PPARG: variants seen among roughly 807,000 people sequenced by gnomAD.
The protein encoded by PPARG is peroxisome proliferator-activated receptor gamma.
A neutral mutation model predicts 39.2 loss-of-function variants in PPARG; 17 were observed. The observed-to-expected ratio is 0.43, with a 90% confidence interval of 0.30 to 0.65. The LOEUF is 0.65. Among genes scored for constraint, PPARG ranks in the 30% least tolerant of loss-of-function variants. The pLI, the probability that PPARG is intolerant of heterozygous loss-of-function variation, is 0.13. For synonymous variants in PPARG, 223 were observed against 215.7 expected (o/e 1.03, Z -0.30); for missense variants, 406 against 585.9 (o/e 0.69, Z 3.17).
At chr3:12,344,809 G>T (rs778453329) in intron 2 of PPARG, 2 of 152,074 alleles carry the variant, frequency 1.3e-5, no homozygotes, top group African/African-American at 4.8e-5. Flanking sequence ...TGTTCCAGAC[G>T]CTGATTTATT....
At chr3:12,374,254 C>T (rs2049325530) in intron 2 of PPARG, among the ~76,000 whole-genome samples, 2 of 152,048 alleles carry the variant, frequency 1.3e-5, no homozygotes, top group Non-Finnish European at 2.9e-5. Context: ...GGCAGTGAAA[C>T]TATTCTGTGT....
intron 4 of PPARG, among the ~76,000 whole-genome samples, chr3:12,385,747 A>C (rs2125191180): frequency 6.6e-6 from 1 of 152,268 alleles, no homozygotes; most frequent in African/African-American, 2.4e-5. Context: ...CTTCAGAAAG[A>C]GTTTTAATTC....
At chr3:12,368,567 A>G (rs1196459600) in intron 2 of PPARG, among the ~76,000 whole-genome samples, 1 of 152,172 alleles carries the variant, frequency 6.6e-6, no homozygotes, top group Non-Finnish European at 1.5e-5. Context: ...TCTAGCCCCA[A>G]TACCTATTTA....
At chr3:12,381,117 T>C (rs2049636428) in intron 3 of PPARG, among the ~76,000 whole-genome samples, 1 of 152,160 alleles carries the variant, frequency 6.6e-6, no homozygotes, top group Non-Finnish European at 1.5e-5. Flanking sequence ...TATTTACAGG[T>C]GAGGCTTAGA....
chr3:12,311,358 C>T (rs1206869306), intron 1 of PPARG, among the ~76,000 whole-genome samples: 2 of 152,146 alleles, frequency 1.3e-5, no homozygotes, highest in Non-Finnish European at 1.5e-5. Flanking sequence ...CCTGCCTCAG[C>T]CTTCCAAAGT....
intron 7 of PPARG, among the ~76,000 whole-genome samples, chr3:12,423,928 A>T (rs190801209): frequency 7.9e-4 from 121 of 152,352 alleles, no homozygotes; most frequent in African/African-American, 2.8e-3. Flanking sequence ...ATTGTGTCTG[A>T]GAGTAATAGC....
chr3:12,309,263 A>G (rs960521303), intron 1 of PPARG, among the ~76,000 whole-genome samples: 10 of 152,172 alleles, frequency 6.6e-5, no homozygotes, highest in African/African-American at 2.4e-4. Context: ...AATTTTGTCA[A>G]GAATGGATGT....
intron 1 of PPARG, among the ~76,000 whole-genome samples, chr3:12,310,133 G>A (rs1294809795): frequency 6.6e-6 from 1 of 152,170 alleles, no homozygotes; most frequent in East Asian, 1.9e-4. Flanking sequence ...AGAAGGAAGA[G>A]GACTGGTAGC....
intron 1 of PPARG, chr3:12,297,743 G>A (rs2046822871): frequency 6.6e-6 from 1 of 151,992 alleles, no homozygotes; most frequent in Non-Finnish European, 1.5e-5. Context: ...AGCATATGCT[G>A]GCAAATAGAG....
At chr3:12,349,879 G>C (rs376160439) in intron 2 of PPARG, among the ~76,000 whole-genome samples, 8 of 152,264 alleles carry the variant, frequency 5.3e-5, no homozygotes, top group African/African-American at 1.9e-4. Context: ...GGCTTAGAAG[G>C]CCTCACTACC....
intron 2 of PPARG, among the ~76,000 whole-genome samples, chr3:12,351,990 G>A (rs551954777): frequency 4.6e-5 from 7 of 152,272 alleles, no homozygotes; most frequent in Admixed American, 4.6e-4. Context: ...GATTTCCCAA[G>A]AATACATAAG....
At chr3:12,379,569 G>T (rs2049547778) in intron 2 of PPARG, 135 bp from the exon 3 acceptor site, 1 of 780,634 alleles carries the variant, frequency 1.3e-6, no homozygotes, top group Admixed American at 2.1e-5. Flanking sequence ...AGGTGGTTAT[G>T]TTCTTTTCTG....
In PPARG at chr3:12,417,902, C is replaced by CTTTTTTTTTTTTTTTTTTTTTTTTTTTT. The variant is rs869086237; in HGVS notation, c.1180+771_1180+772insTTTTTTTTTTTTTTTTTTTTTTTTTTTT. Among the ~76,000 whole-genome samples, 6 of 65,898 alleles carry CTTTTTTTTTTTTTTTTTTTTTTTTTTTT rather than the reference C, an allele frequency of 9.1e-5. 1 individual carries two copies. Among genetic ancestry groups the CTTTTTTTTTTTTTTTTTTTTTTTTTTTT allele is most frequent in the Admixed American group, 2.4e-4 (1 of 4,166 alleles). The allele number at this position is 65,898 out of a possible 152,430, so 43.2% of individuals were successfully genotyped here. A position where few individuals can be genotyped will look rare whatever the true frequency, so the allele number is the denominator to read the frequency against. The stretch of plus-strand genomic sequence containing the variant: ...CTTTTTTTTTTCTTTTTTTTTTTTC[C>CTTTTTTTTTTTTTTTTTTTTTTTTTTTT]TTTTTTTTTTTTTTTTTTTTTTTGT... On this transcript the variant is annotated intron_variant, in intron 7 of 7. Transcript: ENST00000651735.
At chr3:12,372,140 C>T (rs1246402488) in intron 2 of PPARG, 1 of 718,950 alleles carries the variant, frequency 1.4e-6, no homozygotes, top group Admixed American at 2.0e-5. Flanking sequence ...TAGCTGAACA[C>T]ATTTCTCCAA....
chr3:12,303,694 A>G (rs1487665195), intron 1 of PPARG, among the ~76,000 whole-genome samples: 1 of 152,242 alleles, frequency 6.6e-6, no homozygotes, highest in Non-Finnish European at 1.5e-5. Context: ...AAGCATTCTA[A>G]TAACTACAGC....
chr3:12,425,592 A>T (rs1575153094), intron 7 of PPARG, among the ~76,000 whole-genome samples: 1 of 152,040 alleles, frequency 6.6e-6, no homozygotes, highest in Non-Finnish European at 1.5e-5. Context: ...CTTGGAAGGG[A>T]TCGTTCTTCC....
At chr3:12,303,975 G>A (rs975811207) in intron 1 of PPARG, among the ~76,000 whole-genome samples, 2 of 152,210 alleles carry the variant, frequency 1.3e-5, no homozygotes, top group Non-Finnish European at 2.9e-5. Flanking sequence ...TGGAATTACA[G>A]TTACCTAAAT....
intron 2 of PPARG, among the ~76,000 whole-genome samples, chr3:12,331,412 G>A (rs192736449): frequency 6.6e-6 from 1 of 152,218 alleles, no homozygotes; most frequent in Non-Finnish European, 1.5e-5. Flanking sequence ...GTGGGAAACA[G>A]CTTAGTTTAC....
In PPARG at chr3:12,381,497, T is replaced by TA. The variant is rs750711994; in HGVS notation, c.390+15dup. The TA allele has an allele frequency of 3.8e-5, 61 of 1,601,608 alleles. No homozygotes were observed. The highest frequency in any genetic ancestry group is 1.2e-4 in the African/African-American group (9 of 74,336). On this transcript the variant is annotated splice_region_variant and intron_variant, in intron 4 of 7. Transcript: ENST00000651735. ...ATGCTTGTGAAGGATGCAAGGTAATTAAAAAAAAAGTCTTCAAAGAAATTG... is the reference window on the plus strand; with the variant it reads ...ATGCTTGTGAAGGATGCAAGGTAATTAAAAAAAAAAGTCTTCAAAGAAATTG...
Sources: gnomAD v4.1 joint callset for allele counts (sites outside exome capture counted in the v4.1 genomes callset) on GRCh38, gnomAD v4.1.1 for gene constraint, MANE v1.5 for transcripts, NCBI Gene and HGNC (gene_info 2026-07-23, HGNC 2026-07-21) for gene names.